The following ZNF385B variants were observed in gnomAD, a reference collection of about 807,000 sequenced individuals.
ZNF385B encodes zinc finger protein 533.
A neutral mutation model predicts 39.2 loss-of-function variants in ZNF385B; 23 were observed. The ratio of observed to expected loss-of-function variants is 0.59; its 90% CI spans 0.42 to 0.83. The LOEUF (loss-of-function observed/expected upper bound fraction) is 0.83. Among genes scored for constraint, ZNF385B ranks in the 40% least tolerant of loss-of-function variants. ZNF385B has a pLI of 0.00. For missense variants in ZNF385B, 552 were observed against 598.9 expected (o/e 0.92, Z 0.82); for synonymous variants, 205 against 222.6 (o/e 0.92, Z 0.70).
intron 3 of ZNF385B, among the ~76,000 whole-genome samples, chr2:179,632,797 G>C (rs1444734969): frequency 1.3e-5 from 2 of 152,114 alleles, no homozygotes; most frequent in African/African-American, 4.8e-5. Context: ...AAAATTGATA[G>C]ACCACTAGCA....
intron 1 of ZNF385B, among the ~76,000 whole-genome samples, chr2:179,845,624 A>T (rs1708760935): frequency 6.6e-6 from 1 of 152,202 alleles, no homozygotes; most frequent in Non-Finnish European, 1.5e-5. Flanking sequence ...AAAGATTTGC[A>T]GCCCTTGTTC....
rs61002544 is a variant in ZNF385B at position 179,694,351 on chromosome 2, CT to C, written c.298+75151del. Among the ~76,000 whole-genome samples the C allele has an allele frequency of 7.0e-3, 991 of 141,688 alleles. 2 individuals are homozygous for C. The highest frequency in any genetic ancestry group is 0.03 in the South Asian group (133 of 4,420). 93.0% of individuals were successfully genotyped at this position (141,688 alleles called of 152,430 possible). The stretch of plus-strand genomic sequence containing the variant: ...TAGCCCTCAGCTTAGCTGCATTAAG[CT>C]TTTTTTTTTTTTTTGACTGCGAATT... On this transcript the variant is annotated intron_variant, in intron 3 of 9. Transcript: ENST00000410066.
intron 3 of ZNF385B, among the ~76,000 whole-genome samples, chr2:179,557,086 C>T (rs894351731): frequency 2.7e-5 from 4 of 149,016 alleles, no homozygotes; most frequent in Admixed American, 2.7e-4. Flanking sequence ...GGAATCTACC[C>T]TTCATTTTGT....
In ZNF385B at chr2:179,483,167, C is replaced by A. The variant is rs901353810; in HGVS notation, c.715+105G>T. The A allele has an allele frequency of 7.0e-6, 9 of 1,292,392 alleles. No individual in the cohort carries two copies. The African/African-American group carries it at 1.3e-4, about 19-fold the overall frequency. 80.1% of individuals were successfully genotyped at this position (1,292,392 alleles called of 1,614,324 possible). On this transcript the variant is annotated intron_variant, in intron 6 of 9. Coordinates refer to ENST00000410066, the MANE Select transcript of ZNF385B (RefSeq NM_152520.6). ...AGAAAACATATTAATATCACAAAAA[C>A]AAATCATGGAGAGTAACATGCAACA...
chr2:179,804,300 T>C (rs1427454757), intron 1 of ZNF385B, among the ~76,000 whole-genome samples: 2 of 152,180 alleles, frequency 1.3e-5, no homozygotes, highest in African/African-American at 2.4e-5. Flanking sequence ...TATCAACACC[T>C]GAGGGACTCA....
At chr2:179,720,067 T>C (rs140365775) in intron 3 of ZNF385B, among the ~76,000 whole-genome samples, 2,604 of 152,254 alleles carry the variant, frequency 0.017, 37 homozygotes, top group South Asian at 0.027. Flanking sequence ...GAGCTAATGT[T>C]CCAAACTTAT....
intron 3 of ZNF385B, chr2:179,745,841 C>A (rs1248493578): frequency 1.5e-6 from 2 of 1,364,282 alleles, no homozygotes; most frequent in African/African-American, 1.5e-5. Context: ...TTGGCTCCAG[C>A]CCTGATTATC....
chr2:179,568,619 G>A (rs1432583896), intron 3 of ZNF385B, among the ~76,000 whole-genome samples: 1 of 152,214 alleles, frequency 6.6e-6, no homozygotes, highest in African/African-American at 2.4e-5. Flanking sequence ...TTTAAAGTAT[G>A]GTGGTATTTC....
chr2:179,814,415 T>C (rs1167982180), intron 1 of ZNF385B: 1 of 429,640 alleles, frequency 2.3e-6, no homozygotes, highest in Non-Finnish European at 4.7e-6. Context: ...TTAAAGATTT[T>C]GCAGTTATTT....
intron 6 of ZNF385B, among the ~76,000 whole-genome samples, chr2:179,461,039 T>A (rs1274950749): frequency 4.6e-5 from 7 of 152,168 alleles, no homozygotes; most frequent in African/African-American, 1.7e-4. Flanking sequence ...ATAGGAGTTC[T>A]GGGAGAAAGA....
chr2:179,693,623 A>G (rs1355824509), intron 3 of ZNF385B, among the ~76,000 whole-genome samples: 1 of 152,196 alleles, frequency 6.6e-6, no homozygotes, highest in African/African-American at 2.4e-5. Context: ...TTTTTTTGAC[A>G]TTGGTGTCCT....
At chr2:179,682,264 T>A (rs1405968988) in intron 3 of ZNF385B, among the ~76,000 whole-genome samples, 2 of 152,200 alleles carry the variant, frequency 1.3e-5, no homozygotes, top group Non-Finnish European at 2.9e-5. Flanking sequence ...CAGAATGCAA[T>A]TTTTGAATTT....
intron 3 of ZNF385B, among the ~76,000 whole-genome samples, chr2:179,763,262 G>C (rs1443803241): frequency 6.6e-6 from 1 of 152,050 alleles, no homozygotes; most frequent in Admixed American, 6.6e-5. Flanking sequence ...TGAAGGACTG[G>C]TTCATCCTTC....
intron 5 of ZNF385B, 81 bp from the exon 6 acceptor site, chr2:179,483,515 T>G (rs1038375940): frequency 6.4e-7 from 1 of 1,574,032 alleles, no homozygotes; most frequent in Non-Finnish European, 8.7e-7. Context: ...GAAAAATACA[T>G]TCTATCATAG....
At chr2:179,550,921 A>G (rs1182322981) in intron 3 of ZNF385B, among the ~76,000 whole-genome samples, 1 of 150,814 alleles carries the variant, frequency 6.6e-6, no homozygotes, top group Non-Finnish European at 1.5e-5. Flanking sequence ...TAATTTCTCT[A>G]AAAGTGAAGG....
At chr2:179,669,537 C>A (rs935851879) in intron 3 of ZNF385B, among the ~76,000 whole-genome samples, 2 of 152,176 alleles carry the variant, frequency 1.3e-5, no homozygotes, top group African/African-American at 4.8e-5. Flanking sequence ...GTGGCCTAGC[C>A]AGAAGCAGCC....
intron 1 of ZNF385B, among the ~76,000 whole-genome samples, chr2:179,856,654 G>A (rs1684627278): frequency 6.7e-6 from 1 of 149,732 alleles, no homozygotes; most frequent in African/African-American, 2.5e-5. Context: ...TCAAAGCAGA[G>A]TGGGAAAGGA....
chr2:179,796,578 G>C (rs1459377519), intron 1 of ZNF385B, among the ~76,000 whole-genome samples: 6 of 152,210 alleles, frequency 3.9e-5, no homozygotes, highest in Non-Finnish European at 5.9e-5. Flanking sequence ...TTGTGGGGAA[G>C]GGAAACAGCT....
chr2:179,830,846 G>C (rs1026435852), intron 1 of ZNF385B, among the ~76,000 whole-genome samples: 1 of 152,106 alleles, frequency 6.6e-6, no homozygotes, highest in Admixed American at 6.5e-5. Flanking sequence ...GAACATTAAT[G>C]CAAACAAGGG....
Sources: gnomAD v4.1 joint callset for allele counts (sites outside exome capture counted in the v4.1 genomes callset) on GRCh38, gnomAD v4.1.1 for gene constraint, MANE v1.5 for transcripts, NCBI Gene and HGNC (gene_info 2026-07-23, HGNC 2026-07-21) for gene names.